Variants in TRPM2 observed in about 807,000 individuals in gnomAD.
The protein encoded by TRPM2 is transient receptor potential cation channel subfamily M member 2, also known as estrogen-responsive element-associated gene 1 protein.
In TRPM2, 161 loss-of-function variants were observed where a neutral mutation model predicts 174.0. That is an observed-to-expected ratio of 0.93 (90% CI 0.81 to 1.05). The LOEUF (loss-of-function observed/expected upper bound fraction) is 1.05, where lower values mean the gene tolerates loss of function less well. Ranked by LOEUF, TRPM2 falls within the 50% of genes least tolerant of loss-of-function variation. TRPM2 has a pLI of 0.00. For synonymous variants in TRPM2, 954 were observed against 861.3 expected (o/e 1.11, Z -1.88); for missense variants, 2,057 against 2,038.0 (o/e 1.01, Z -0.18).
At chr21:44,435,021 C>T (rs539038829) in intron 27 of TRPM2, 110 bp from the exon 28 acceptor site, 33 of 1,048,928 alleles carry the variant, frequency 3.1e-5, no homozygotes, top group African/African-American at 1.7e-4. Flanking sequence ...CATGCTGTCC[C>T]GCTGTGCGCC....
At chr21:44,428,810 C>A (rs984189530) in intron 27 of TRPM2, among the ~76,000 whole-genome samples, 1 of 149,866 alleles carries the variant, frequency 6.7e-6, no homozygotes, top group Non-Finnish European at 1.5e-5. Context: ...TCTGGCTCCT[C>A]CCTGAGGTGT....
chr21:44,407,406 G>A (rs1292519519), intron 19 of TRPM2, among the ~76,000 whole-genome samples: 5 of 147,934 alleles, frequency 3.4e-5, no homozygotes, highest in Admixed American at 6.8e-5. Context: ...GATTACAGGC[G>A]TGAGCCACCA....
chr21:44,400,177 C>G (rs1464714731), intron 14 of TRPM2, 82 bp from the exon 15 acceptor site: 1 of 1,206,090 alleles, frequency 8.3e-7, no homozygotes, highest in Non-Finnish European at 1.2e-6. Context: ...CTAGGCACCC[C>G]GAGTCCTCAG....
intron 20 of TRPM2, among the ~76,000 whole-genome samples, chr21:44,417,109 G>T (rs1186256910): frequency 6.6e-5 from 8 of 121,462 alleles, no homozygotes; most frequent in East Asian, 2.6e-4. Flanking sequence ...CATCACAGTG[G>T]GCATGTGGGC....
chr21:44,406,737 C>A lies in TRPM2; in HGVS notation c.2934C>A (p.Ile978=), dbSNP rs962751693. 1.2e-6 allele frequency: 2 copies of A among 1,607,324 alleles called. No homozygotes were observed. The highest frequency in any genetic ancestry group is 1.1e-5 in the South Asian group (1 of 90,540). ...CCGTCTACCACTCCTACCTCACCAT[C>A]TTCGGGCAGATCCCGGGCTACATCG... is the stretch of plus-strand genomic sequence containing the variant. ...RGAVYHSYLT[I]FGQIPGYIDG... Residue 978 remains isoleucine, a synonymous_variant, in exon 19 of 32, where the codon ATC becomes ATA. Transcript: ENST00000397928.
chr21:44,403,443 G>A (rs1215082132), intron 16 of TRPM2, among the ~76,000 whole-genome samples: 2 of 152,148 alleles, frequency 1.3e-5, no homozygotes, highest in African/African-American at 2.4e-5. Context: ...GCCTGACATT[G>A]AGGGCGCTGC....
At position 44,362,786 on chromosome 21, in the gene TRPM2, G is replaced by GT. The variant is rs201000468; in HGVS notation, c.255-1320dup. ...CTGTCTTTTCTGAGGTGTTTTTTTT[G>GT]TTTTTTTTGAGGAGTCTCCCACTGT... On this transcript the variant is annotated intron_variant, in intron 2 of 31. Transcript: ENST00000397928. 2.5e-3 allele frequency among the ~76,000 whole-genome samples: 383 copies of GT among 151,022 alleles called. 2 individuals are homozygous for GT. The highest frequency in any genetic ancestry group is 0.01 in the Middle Eastern group (3 of 294).
rs146276724 is a variant in TRPM2, at chr21:44,406,657, A to G, written c.2854A>G (p.Lys952Glu). The G allele has an allele frequency of 1.3e-5, 21 of 1,610,550 alleles. No homozygotes were observed. The highest frequency in any genetic ancestry group is 1.8e-5 in the Non-Finnish European group (21 of 1,179,410). The change falls in exon 19 of 32, where the codon AAG (lysine) becomes GAG (glutamate). Residue 952 changes from lysine (K) to glutamate (E), a missense_variant. By Grantham distance (56) the Lys-to-Glu change is moderately conservative. Transcript: ENST00000397928. ...GTGGGTGGTGTCCTTCGGGGTGGCCAAGCAGGCCATCCTCATCCACAACGA... is the reference window on the plus strand; with the variant it reads ...GTGGGTGGTGTCCTTCGGGGTGGCCGAGCAGGCCATCCTCATCCACAACGA... ...AVWVVSFGVA[K>E]QAILIHNERR...
At chr21:44,385,210 T>C (rs1010280219) in intron 9 of TRPM2, among the ~76,000 whole-genome samples, 5 of 152,162 alleles carry the variant, frequency 3.3e-5, no homozygotes, top group Admixed American at 1.3e-4. Context: ...TTTGACAAAA[T>C]TTGACACCCT....
intron 2 of TRPM2, among the ~76,000 whole-genome samples, chr21:44,359,728 T>C (rs2048157758): frequency 2.0e-5 from 3 of 147,298 alleles, no homozygotes; most frequent in Admixed American, 2.0e-4. Flanking sequence ...TGTGTATATA[T>C]ATACACATAT....
Position 44,401,883 on chromosome 21 carries a change from G to C in TRPM2, c.2524G>C (p.Glu842Gln). Residue 842 changes from glutamate to glutamine, a missense_variant, in exon 16 of 32, where the codon GAG becomes CAG. Glu to Gln is a conservative substitution (Grantham distance 29). Transcript: ENST00000397928. ...CCTCTGGCTCTTCTCCTTGGTGTGCGAGGAGATGCGGCAGGTACAGCCCCA... is the reference window on the plus strand; with the variant it reads ...CCTCTGGCTCTTCTCCTTGGTGTGCCAGGAGATGCGGCAGGTACAGCCCCA... ...IYLWLFSLVC[E>Q]EMRQLFYDPD... 1 of 1,613,706 alleles carries C rather than the reference G, an allele frequency of 6.2e-7. No individual in the cohort carries two copies. The highest frequency in any genetic ancestry group is 8.5e-7 in the Non-Finnish European group (1 of 1,179,982).
rs1239993530 is a variant in TRPM2, at chr21:44,364,320, AG to A, written c.423+39del. Reference sequence around the variant, plus strand: ...CACTCTCGCTCTGAACTGTAGGTGGAGCTGCATGGCCCCACAGTGACACGCG... The same window carrying A: ...CACTCTCGCTCTGAACTGTAGGTGGACTGCATGGCCCCACAGTGACACGCG... On this transcript the variant is annotated intron_variant, in intron 3 of 31. Transcript: ENST00000397928. 3.1e-6 allele frequency: 5 copies of A among 1,605,790 alleles called. No individual in the cohort carries two copies. The African/African-American group carries it at 6.7e-5, about 21-fold the overall frequency.
rs1601277194 is a variant in TRPM2, at chr21:44,440,908, A to G, written c.4386+3A>G. 1 of 1,613,032 alleles carries G rather than the reference A, an allele frequency of 6.2e-7. No homozygotes were observed. Among genetic ancestry groups the G allele is most frequent in the Non-Finnish European group, 8.5e-7 (1 of 1,179,440 alleles). ...TGGAGCTGAACAGGCTGAACTCTGT[A>G]TGTGCCTGGCCTCCCTGGAGGCGGG... On this transcript the variant is annotated splice_donor_region_variant and intron_variant, in intron 31 of 31. Coordinates refer to ENST00000397928, the MANE Select transcript of TRPM2 (RefSeq NM_003307.4).
At chr21:44,392,764 C>T (rs993145882) in intron 11 of TRPM2, among the ~76,000 whole-genome samples, 4 of 152,252 alleles carry the variant, frequency 2.6e-5, no homozygotes, top group Non-Finnish European at 5.9e-5. Context: ...CCAAACAGTA[C>T]AAAAGGTTCT....
intron 9 of TRPM2, among the ~76,000 whole-genome samples, chr21:44,387,822 T>C (rs1388867153): frequency 6.6e-6 from 1 of 152,142 alleles, no homozygotes; most frequent in Non-Finnish European, 1.5e-5. Flanking sequence ...ATTAGAGAAA[T>C]GCAGATCAAA....
chr21:44,408,018 T>C (rs191579151), intron 19 of TRPM2, among the ~76,000 whole-genome samples: 2 of 152,106 alleles, frequency 1.3e-5, no homozygotes, highest in Non-Finnish European at 2.9e-5. Context: ...CAATCTTGGC[T>C]CACTGCGACC....
rs1166219174 is a variant in TRPM2 at position 44,400,346 on chromosome 21, C to T, written c.2296C>T (p.Leu766Phe). ...VTLCMLAFPL[L>F]LTGLISFREK... ...CCTGTGCATGCTGGCCTTCCCGCTG[C>T]TCCTCACCGGCCTCATCTCCTTCAG... Residue 766 changes from leucine to phenylalanine, a missense_variant, in exon 15 of 32, where the codon CTC (leucine) becomes TTC (phenylalanine). Leu to Phe is a conservative substitution (Grantham distance 22). Coordinates refer to ENST00000397928, the MANE Select transcript of TRPM2 (RefSeq NM_003307.4). The T allele has an allele frequency of 1.9e-6, 3 of 1,612,298 alleles. No homozygotes were observed. Among genetic ancestry groups the T allele is most frequent in the Non-Finnish European group, 2.5e-6 (3 of 1,179,876 alleles).
At chr21:44,357,111 C>T (rs544281539) in intron 2 of TRPM2, among the ~76,000 whole-genome samples, 6 of 152,264 alleles carry the variant, frequency 3.9e-5, no homozygotes, top group South Asian at 2.1e-4. Flanking sequence ...ATGCCTTAAC[C>T]GTCTGGGAAG....
chr21:44,417,949 G>A lies in TRPM2; in HGVS notation c.3169G>A (p.Glu1057Lys). ...CAGCTACACCTTCCAGCAGGTGCAGGAGCACACGGACCAGATTTGGAAGTT... is the reference window on the plus strand; with the variant it reads ...CAGCTACACCTTCCAGCAGGTGCAGAAGCACACGGACCAGATTTGGAAGTT... ...MFNYTFQQVQEHTDQIWKFQR... is the reference protein window; with the variant it reads ...MFNYTFQQVQKHTDQIWKFQR... The change falls in exon 21 of 32, where the codon GAG becomes AAG. Residue 1057 changes from glutamate (E) to lysine (K), a missense_variant. Coordinates refer to ENST00000397928, the MANE Select transcript of TRPM2 (RefSeq NM_003307.4). 1 of 1,612,550 alleles carries A rather than the reference G, an allele frequency of 6.2e-7. No homozygotes were observed. The highest frequency in any genetic ancestry group is 8.5e-7 in the Non-Finnish European group (1 of 1,179,940).
Sources: allele counts gnomAD v4.1 joint callset (sites outside exome capture counted in the v4.1 genomes callset), GRCh38; gene constraint gnomAD v4.1.1; transcripts MANE v1.5; gene names NCBI Gene and HGNC (gene_info 2026-07-23, HGNC 2026-07-21).